The following WNK2 variants were observed in gnomAD, a reference collection of about 807,000 sequenced individuals.
WNK2 encodes the protein serine/threonine-protein kinase WNK2.
A neutral mutation model predicts 192.1 loss-of-function variants in WNK2; 67 were observed. The ratio of observed to expected loss-of-function variants is 0.35; its 90% CI spans 0.29 to 0.43. The LOEUF is 0.43. WNK2 is among the 20% of genes least tolerant of loss of function. WNK2 has a pLI of 1.00. For missense variants in WNK2, 2,698 were observed against 3,089.7 expected (o/e 0.87, Z 3.01); for synonymous variants, 1,439 against 1,393.9 (o/e 1.03, Z -0.72).
intron 2 of WNK2, among the ~76,000 whole-genome samples, chr9:93,226,819 T>A (rs1256757225): frequency 6.6e-6 from 1 of 152,226 alleles, no homozygotes; most frequent in African/African-American, 2.4e-5. Flanking sequence ...TTTTTGCTGC[T>A]GAGCCATGGT....
Position 93,185,475 on chromosome 9 carries a change from C to T in WNK2, c.546C>T (p.Asp182=), listed in dbSNP as rs1829123369. 10 of 1,612,758 alleles carry T rather than the reference C, an allele frequency of 6.2e-6. No individual in the cohort carries two copies. The highest frequency in any genetic ancestry group is 8.5e-6 in the Non-Finnish European group (10 of 1,179,742). ...AAGAGGAGGAGGACGACGAGGACGA[C>T]CTCAAGGCCGTGGCCACCTCTCTGG... is the stretch of plus-strand genomic sequence containing the variant. ...EPEEEEDDED[D]LKAVATSLDG... Residue 182 remains aspartate, a synonymous_variant, in exon 2 of 30, where the codon GAC becomes GAT. Coordinates refer to ENST00000427277, the MANE Select transcript of WNK2 (RefSeq NM_006648.4).
intron 2 of WNK2, among the ~76,000 whole-genome samples, chr9:93,203,288 G>A (rs961983466): frequency 6.6e-6 from 1 of 152,162 alleles, no homozygotes; most frequent in East Asian, 1.9e-4. Context: ...TGGCAGTCAG[G>A]ACCATGGCTG....
intron 2 of WNK2, among the ~76,000 whole-genome samples, chr9:93,225,964 G>A (rs1837742497): frequency 6.6e-6 from 1 of 152,020 alleles, no homozygotes; most frequent in South Asian, 2.1e-4. Context: ...GTGTGTTGTG[G>A]AAACATTTCT....
At position 93,234,896 on chromosome 9, in the gene WNK2, G is replaced by A. The variant is rs760901926; in HGVS notation, c.1164G>A (p.Glu388=). The change falls in exon 5 of 30, where the codon GAG becomes GAA. Residue 388 remains glutamate, a synonymous_variant. Coordinates refer to ENST00000427277, the MANE Select transcript of WNK2 (RefSeq NM_006648.4). The part of the protein sequence containing the change: ...DVYAFGMCML[E]MATSEYPYSE... ...ATGCCTTTGGGATGTGCATGCTGGA[G>A]ATGGCCACCTCGGAGTACCCCTACT... 1 of 1,614,220 alleles carries A rather than the reference G, an allele frequency of 6.2e-7. No homozygotes were observed. The highest frequency in any genetic ancestry group is 2.2e-5 in the East Asian group (1 of 44,878).
chr9:93,237,933 C>G (rs1840100791), intron 5 of WNK2, among the ~76,000 whole-genome samples: 1 of 152,024 alleles, frequency 6.6e-6, no homozygotes, highest in Non-Finnish European at 1.5e-5. Flanking sequence ...CTGAACTCAG[C>G]TCTACCCCTC....
chr9:93,231,210 C>T lies in WNK2; in HGVS notation c.1075+102C>T, dbSNP rs1838735175. 6.8e-6 allele frequency: 8 copies of T among 1,175,858 alleles called. No homozygotes were observed. In the South Asian group the frequency reaches 8.2e-5, roughly 12 times the overall value. 72.8% of individuals were successfully genotyped at this position (1,175,858 alleles called of 1,614,324 possible). On this transcript the variant is annotated intron_variant, in intron 4 of 29. Coordinates refer to ENST00000427277, the MANE Select transcript of WNK2 (RefSeq NM_006648.4). ...TTTTGTTCAGACCTGGTGCAGGAGA[C>T]CCAGTGGGAGGAGCGTCTGGGCACG...
intron 7 of WNK2, among the ~76,000 whole-genome samples, chr9:93,246,318 C>T (rs1410509542): frequency 2.0e-5 from 3 of 152,184 alleles, no homozygotes; most frequent in African/African-American, 4.8e-5. Context: ...CTCTTAGAGC[C>T]GCGCTGCATT....
chr9:93,238,500 A>G (rs1458732640), intron 6 of WNK2, among the ~76,000 whole-genome samples, 179 bp downstream of exon 6: 1 of 152,216 alleles, frequency 6.6e-6, no homozygotes, highest in Non-Finnish European at 1.5e-5. Flanking sequence ...TGTGGGTGAC[A>G]CCAGGCCAGG....
Position 93,289,382 on chromosome 9 carries a change from G to A in WNK2, c.4628G>A (p.Gly1543Asp). 6.2e-7 allele frequency: 1 copy of A among 1,612,550 alleles called. No homozygotes were observed. Among genetic ancestry groups the A allele is most frequent in the South Asian group, 1.1e-5 (1 of 91,068 alleles). The stretch of plus-strand genomic sequence containing the variant: ...GGGGAAGGGCCGCCCCCCAGGGTGG[G>A]CTTTGTGGACAGCACCATCAAGAGC... ...SDGEGPPPRV[G>D]FVDSTIKSLD... The change falls in exon 20 of 30, where the codon GGC becomes GAC. Residue 1543 changes from glycine (G) to aspartate (D), a missense_variant. Gly to Asp is a moderately conservative substitution (Grantham distance 94). Around this residue, in one of 7 missense-constraint regions of WNK2, gnomAD observed 1,098 missense variants for 1,101.0 expected, o/e 1.00. Coordinates refer to ENST00000427277, the MANE Select transcript of WNK2 (RefSeq NM_006648.4).
Position 93,238,217 on chromosome 9 carries a change from G to A in WNK2, c.1234-16G>A, listed in dbSNP as rs758886212. ...GCAGCCGATCGGGTCAGGTAACTCTGCTCTCTCCCTGTCAGGGTATCAAGC... is the reference window on the plus strand; with the variant it reads ...GCAGCCGATCGGGTCAGGTAACTCTACTCTCTCCCTGTCAGGGTATCAAGC... On this transcript the variant is annotated splice_polypyrimidine_tract_variant and intron_variant, in intron 5 of 29. Transcript: ENST00000427277. 2 of 1,613,466 alleles carry A rather than the reference G, an allele frequency of 1.2e-6. No homozygotes were observed. The highest frequency in any genetic ancestry group is 1.3e-5 in the African/African-American group (1 of 74,918).
chr9:93,294,444 G>A (rs1019447659), intron 23 of WNK2, among the ~76,000 whole-genome samples: 1 of 152,212 alleles, frequency 6.6e-6, no homozygotes, highest in African/African-American at 2.4e-5. Flanking sequence ...TGGAGCCCAA[G>A]GTGGGTATGA....
intron 2 of WNK2, among the ~76,000 whole-genome samples, chr9:93,216,148 C>T (rs907404825): frequency 6.6e-6 from 1 of 152,190 alleles, no homozygotes. Flanking sequence ...ACCAAGGCCT[C>T]TCTTCCTTGC....
intron 2 of WNK2, among the ~76,000 whole-genome samples, chr9:93,205,517 C>G (rs531543825): frequency 6.6e-6 from 1 of 152,336 alleles, no homozygotes; most frequent in African/African-American, 2.4e-5. Flanking sequence ...CAGCCCCTGT[C>G]CGTCCCTGCA....
rs577087760 is a variant in WNK2 at position 93,298,159 on chromosome 9, C to T, written c.5923+92C>T. 84 of 1,392,886 alleles carry T rather than the reference C, an allele frequency of 6.0e-5. No homozygotes were observed. In the African/African-American group the frequency reaches 7.4e-4, roughly 12 times the overall value. 86.3% of individuals were successfully genotyped at this position (1,392,886 alleles called of 1,614,324 possible). A position where few individuals can be genotyped will look rare whatever the true frequency, so the allele number is the denominator to read the frequency against. Reference sequence around the variant, plus strand: ...AGGCTCCGTGCAGGTGTGACACCCTCGGACCTGGAAGACCACTCGGGGTTA... The same window carrying T: ...AGGCTCCGTGCAGGTGTGACACCCTTGGACCTGGAAGACCACTCGGGGTTA... On this transcript the variant is annotated intron_variant, in intron 24 of 29. Transcript: ENST00000427277.
intron 7 of WNK2, among the ~76,000 whole-genome samples, chr9:93,245,199 A>G (rs1262328545): frequency 6.6e-6 from 1 of 152,224 alleles, no homozygotes; most frequent in African/African-American, 2.4e-5. Flanking sequence ...TCCACGAACC[A>G]TTTGAGACTA....
At chr9:93,218,145 G>C (rs1197502880) in intron 2 of WNK2, among the ~76,000 whole-genome samples, 1 of 152,152 alleles carries the variant, frequency 6.6e-6, no homozygotes, top group Non-Finnish European at 1.5e-5. Context: ...TGTGGGGGCA[G>C]GGCAGCCGCA....
chr9:93,294,462 C>A (rs1849918990), intron 23 of WNK2, among the ~76,000 whole-genome samples: 1 of 152,130 alleles, frequency 6.6e-6, no homozygotes, highest in African/African-American at 2.4e-5. Context: ...TGACCTAGAA[C>A]CTTTTGGGAT....
chr9:93,235,738 C>T (rs1255067752), intron 5 of WNK2, among the ~76,000 whole-genome samples: 1 of 152,198 alleles, frequency 6.6e-6, no homozygotes, highest in Admixed American at 6.5e-5. Context: ...TGCCCTGATC[C>T]CTGCAGTCCC....
At position 93,289,673 on chromosome 9, in the gene WNK2, C is replaced by T. The variant is rs1045467631; in HGVS notation, c.4866+53C>T. The T allele has an allele frequency of 1.9e-5, 27 of 1,410,584 alleles. No homozygotes were observed. In the East Asian group the frequency reaches 2.6e-4, roughly 13 times the overall value. 87.4% of individuals were successfully genotyped at this position (1,410,584 alleles called of 1,614,324 possible). ...CTGCCCTGGGTCAGGGGCCGGAGCC[C>T]GGGCGCAGGCCCGGGGGTGGGCAGG... On this transcript the variant is annotated intron_variant, in intron 20 of 29. Transcript: ENST00000427277.
Sources: allele counts gnomAD v4.1 joint callset (sites outside exome capture counted in the v4.1 genomes callset), GRCh38; gene constraint gnomAD v4.1.1; regional missense constraint gnomAD v4.1.1; transcripts MANE v1.5; gene names NCBI Gene and HGNC (gene_info 2026-07-23, HGNC 2026-07-21).